Variants in KIFAP3 observed in about 807,000 individuals in gnomAD.
KIFAP3 encodes kinesin associated protein 3, also known as kinesin-associated protein 3.
In KIFAP3, 68 loss-of-function variants were observed where a neutral mutation model predicts 106.5. The ratio of observed to expected loss-of-function variants is 0.64; its 90% confidence interval spans 0.53 to 0.78. The LOEUF is 0.78. Ranked by LOEUF, KIFAP3 falls within the 30% of genes least tolerant of loss-of-function variation. The pLI, the probability that KIFAP3 is intolerant of heterozygous loss-of-function variation, is 0.00. For synonymous variants in KIFAP3, 320 were observed against 311.5 expected (o/e 1.03, Z -0.29); for missense variants, 780 against 941.8 (o/e 0.83, Z 2.25).
intron 10 of KIFAP3, among the ~76,000 whole-genome samples, chr1:170,007,981 T>C (rs1442949942): frequency 2.0e-5 from 3 of 152,208 alleles, no homozygotes; most frequent in Non-Finnish European, 4.4e-5. Flanking sequence ...TACAACCATC[T>C]GATCTTTGAC....
At chr1:169,934,712 A>G (rs902373451) in intron 19 of KIFAP3, among the ~76,000 whole-genome samples, 3 of 152,128 alleles carry the variant, frequency 2.0e-5, no homozygotes, top group Non-Finnish European at 4.4e-5. Flanking sequence ...AGGAGATGGA[A>G]TGCACCATAC....
intron 19 of KIFAP3, 94 bp downstream of exon 19, chr1:169,953,917 A>T: frequency 1.2e-6 from 1 of 827,584 alleles, no homozygotes; most frequent in Non-Finnish European, 2.1e-6. Context: ...CCCCCCTCTT[A>T]ATGAAAAAGA....
intron 11 of KIFAP3, among the ~76,000 whole-genome samples, chr1:169,986,223 AATG>A (rs750023584): frequency 1.2e-4 from 18 of 152,060 alleles, no homozygotes; most frequent in East Asian, 9.6e-4. Flanking sequence ...GCATTTCAAA[AATG>A]ATATGTGGTC....
chr1:170,011,733 AAC>A (rs1304167086), intron 10 of KIFAP3, among the ~76,000 whole-genome samples: 3 of 152,080 alleles, frequency 2.0e-5, no homozygotes, highest in African/African-American at 7.2e-5. Flanking sequence ...TGTCCTTTAT[AAC>A]ACAGTTTCCT....
rs1418136698 is a variant in KIFAP3, at chr1:169,978,194, A to G, written c.1799-11T>C. ...CATCTTCTTGTTGAGCTGTAAATAA[A>G]CAAAAAATTCAAATAAAGAATACTA... On this transcript the variant is annotated splice_polypyrimidine_tract_variant and intron_variant, in intron 15 of 19. Transcript: ENST00000361580. 3.2e-6 allele frequency: 5 copies of G among 1,559,626 alleles called. No individual in the cohort carries two copies. The highest frequency in any genetic ancestry group is 4.4e-6 in the Non-Finnish European group (5 of 1,131,754).
chr1:169,979,257 G>A (rs971210945), intron 15 of KIFAP3, among the ~76,000 whole-genome samples: 1 of 152,004 alleles, frequency 6.6e-6, no homozygotes. Context: ...TCAACTACGT[G>A]TCTTTACTTT....
intron 1 of KIFAP3, among the ~76,000 whole-genome samples, chr1:170,080,111 T>C (rs1264386860): frequency 6.6e-6 from 1 of 152,022 alleles, no homozygotes; most frequent in East Asian, 1.9e-4. Context: ...ATCAATTGCA[T>C]TGACTTATAC....
At chr1:169,923,464 A>C (rs1369294323) in intron 19 of KIFAP3, among the ~76,000 whole-genome samples, 2 of 152,182 alleles carry the variant, frequency 1.3e-5, no homozygotes, top group East Asian at 3.8e-4. Context: ...AGAACTCTCA[A>C]TTATATAACT....
chr1:170,049,373 G>A (rs1260003502), intron 2 of KIFAP3, among the ~76,000 whole-genome samples: 1 of 152,238 alleles, frequency 6.6e-6, no homozygotes, highest in Non-Finnish European at 1.5e-5. Context: ...CCTGGCAGGA[G>A]GGGTGGCTGT....
intron 11 of KIFAP3, chr1:169,990,276 T>C (rs1049174742): frequency 2.9e-5 from 14 of 478,220 alleles, no homozygotes; most frequent in Non-Finnish European, 4.9e-5. Context: ...ATTGACTAGA[T>C]TGACTTCTTT....
At chr1:169,973,853 G>A (rs1261438636) in intron 16 of KIFAP3, among the ~76,000 whole-genome samples, 1 of 151,776 alleles carries the variant, frequency 6.6e-6, no homozygotes, top group Non-Finnish European at 1.5e-5. Context: ...AAGAAAGTCA[G>A]CTCGAATAGA....
At chr1:170,055,578 A>G in intron 1 of KIFAP3, 142 bp from the exon 2 acceptor site, 1 of 543,994 alleles carries the variant, frequency 1.8e-6, no homozygotes, top group East Asian at 3.2e-5. Flanking sequence ...ATTAGAGATA[A>G]CTCTTTTTCT....
At chr1:169,972,716 TA>T in intron 16 of KIFAP3, 118 bp from the exon 17 acceptor site, 1 of 524,462 alleles carries the variant, frequency 1.9e-6, no homozygotes, top group South Asian at 3.0e-5. Flanking sequence ...ACCCAAATTT[TA>T]AAATAAAATC....
chr1:170,007,476 T>C (rs937843539), intron 10 of KIFAP3, among the ~76,000 whole-genome samples: 3 of 151,864 alleles, frequency 2.0e-5, no homozygotes, highest in Non-Finnish European at 4.4e-5. Context: ...ACATGGTAAC[T>C]AGAAGGTAAA....
chr1:169,945,184 G>A (rs893913039), intron 19 of KIFAP3, among the ~76,000 whole-genome samples: 3 of 152,180 alleles, frequency 2.0e-5, no homozygotes, highest in African/African-American at 7.2e-5. Context: ...CCCAAGTGCA[G>A]GCACACCCAG....
At chr1:169,929,496 T>C (rs899928179) in intron 19 of KIFAP3, among the ~76,000 whole-genome samples, 3 of 152,106 alleles carry the variant, frequency 2.0e-5, no homozygotes, top group African/African-American at 7.2e-5. Flanking sequence ...ATGTAATAAA[T>C]ATATATTTTA....
At chr1:170,079,808 G>T (rs1341195225) in intron 1 of KIFAP3, among the ~76,000 whole-genome samples, 1 of 151,566 alleles carries the variant, frequency 6.6e-6, no homozygotes, top group African/African-American at 2.4e-5. Flanking sequence ...TTAAAAGAAT[G>T]TCAATGTATT....
chr1:170,005,620 G>T (rs1006452138), intron 10 of KIFAP3, among the ~76,000 whole-genome samples: 2 of 146,608 alleles, frequency 1.4e-5, no homozygotes, highest in Admixed American at 7.0e-5. Context: ...AAAAACCAAA[G>T]ACTGCATGTT....
Position 170,046,813 on chromosome 1 carries a change from T to C in KIFAP3, c.218A>G (p.Lys73Arg), listed in dbSNP as rs747734936. ...ANTDITSLAR[K>R]VVEECKLIHP... ...AATGAGTTTACATTCTTCAACCACCTTCCTTGCCAGGGAAGTTATATCTGT... is the reference window on the plus strand; with the variant it reads ...AATGAGTTTACATTCTTCAACCACCCTCCTTGCCAGGGAAGTTATATCTGT... Residue 73 changes from lysine to arginine, a missense_variant, in exon 3 of 20, where the codon AAG becomes AGG. Coordinates refer to ENST00000361580, the MANE Select transcript of KIFAP3 (RefSeq NM_014970.4). 1 of 1,610,880 alleles carries C rather than the reference T, an allele frequency of 6.2e-7. No individual in the cohort carries two copies. Among genetic ancestry groups the C allele is most frequent in the Non-Finnish European group, 8.5e-7 (1 of 1,178,280 alleles).
Sources: gnomAD v4.1 joint callset for allele counts (sites outside exome capture counted in the v4.1 genomes callset) on GRCh38, gnomAD v4.1.1 for gene constraint, MANE v1.5 for transcripts, NCBI Gene and HGNC (gene_info 2026-07-23, HGNC 2026-07-21) for gene names.